Variants in CMIP observed in about 807,000 individuals in gnomAD.
CMIP encodes c-Maf inducing protein.
Under a neutral mutation model 97.3 loss-of-function variants are expected in CMIP, and 13 were observed. The observed-to-expected ratio is 0.13, with a 90% confidence interval of 0.09 to 0.21. The LOEUF (loss-of-function observed/expected upper bound fraction) is 0.21, where lower values mean the gene tolerates loss of function less well. Ranked by LOEUF, CMIP falls within the 10% of genes least tolerant of loss-of-function variation. The pLI, the probability that CMIP is intolerant of heterozygous loss-of-function variation, is 1.00. For synonymous variants in CMIP, 538 were observed against 436.3 expected (o/e 1.23, Z -2.91); for missense variants, 847 against 1,024.9 (o/e 0.83, Z 2.37).
intron 9 of CMIP, among the ~76,000 whole-genome samples, chr16:81,672,483 C>T (rs534463146): frequency 6.6e-6 from 1 of 152,254 alleles, no homozygotes; most frequent in Admixed American, 6.5e-5. Context: ...GAATATGTGC[C>T]CGTGTGTTGG....
chr16:81,663,525 A>G lies in CMIP; in HGVS notation c.745-744A>G, dbSNP rs2092570053. ...AGCACAGAGGATTTTTAGGGCGTGA[A>G]ACGACTTCCTATGATATTACATTGG... On this transcript the variant is annotated intron_variant, in intron 6 of 20. Transcript: ENST00000537098. Among the ~76,000 whole-genome samples, 3 of 152,130 alleles carry G rather than the reference A, an allele frequency of 2.0e-5. No individual in the cohort carries two copies. In the South Asian group the frequency reaches 6.2e-4, roughly 32 times the overall value.
chr16:81,632,881 C>T (rs1186737804), intron 3 of CMIP, among the ~76,000 whole-genome samples: 4 of 152,216 alleles, frequency 2.6e-5, no homozygotes, highest in African/African-American at 9.7e-5. Context: ...CCCCCACCCC[C>T]ACCTTCTGGG....
chr16:81,637,915 A>C (rs1189824580), intron 3 of CMIP, among the ~76,000 whole-genome samples: 1 of 152,084 alleles, frequency 6.6e-6, no homozygotes, highest in Non-Finnish European at 1.5e-5. Flanking sequence ...TGTGTCTCAC[A>C]TGGGAAGGGG....
chr16:81,659,019 G>T (rs59213495), intron 5 of CMIP, among the ~76,000 whole-genome samples: 1 of 152,216 alleles, frequency 6.6e-6, no homozygotes, highest in Non-Finnish European at 1.5e-5. Flanking sequence ...TGTCTGGCAC[G>T]TAGTGGGCTC....
At chr16:81,629,407 C>G (rs2092122962) in intron 3 of CMIP, among the ~76,000 whole-genome samples, 1 of 152,168 alleles carries the variant, frequency 6.6e-6, no homozygotes, top group Non-Finnish European at 1.5e-5. Flanking sequence ...GACTCCCTCA[C>G]TCTATACAGT....
intron 1 of CMIP, among the ~76,000 whole-genome samples, chr16:81,457,569 C>T (rs572552466): frequency 3.8e-4 from 58 of 152,330 alleles, no homozygotes; most frequent in African/African-American, 1.2e-3. Flanking sequence ...TGTAACAACC[C>T]GTGATACGTA....
At chr16:81,613,635 A>C (rs966690473) in intron 2 of CMIP, among the ~76,000 whole-genome samples, 3 of 152,264 alleles carry the variant, frequency 2.0e-5, no homozygotes, top group Non-Finnish European at 1.5e-5. Context: ...TAGGTGTTCA[A>C]GAAAACACTG....
At chr16:81,642,768 C>T (rs1160308795) in intron 3 of CMIP, among the ~76,000 whole-genome samples, 17 of 152,094 alleles carry the variant, frequency 1.1e-4, no homozygotes, top group East Asian at 1.9e-4. Flanking sequence ...TGGTGGCGGG[C>T]GCCTGTAGTC....
Position 81,616,153 on chromosome 16 carries a change from ATTTTTTT to A in CMIP, c.427-4710_427-4704del, listed in dbSNP as rs11331169. On this transcript the variant is annotated intron_variant, in intron 2 of 20. Coordinates refer to ENST00000537098, the MANE Select transcript of CMIP (RefSeq NM_198390.3). The surrounding 1 kb of genome is among the most constrained non-coding windows in gnomAD (Gnocchi z 4.7). Reference sequence around the variant, plus strand: ...ACATGTCATTAATTCATTCAGCTGTATTTTTTTTTTTTTTTTTTTAACACCAGGCTCA... The same window carrying A: ...ACATGTCATTAATTCATTCAGCTGTATTTTTTTTTTTTAACACCAGGCTCA... Among the ~76,000 whole-genome samples, 1 of 132,720 alleles carries A rather than the reference ATTTTTTT, an allele frequency of 7.5e-6. No individual in the cohort carries two copies. The highest frequency in any genetic ancestry group is 1.6e-5 in the Non-Finnish European group (1 of 61,400). 87.1% of individuals were successfully genotyped at this position (132,720 alleles called of 152,430 possible). A position where few individuals can be genotyped will look rare whatever the true frequency, so the allele number is the denominator to read the frequency against.
chr16:81,679,911 G>T (rs903352865), intron 10 of CMIP, among the ~76,000 whole-genome samples: 1 of 152,130 alleles, frequency 6.6e-6, no homozygotes, highest in Non-Finnish European at 1.5e-5. Context: ...TGGTTCCACA[G>T]ACCAGCTCAG....
At chr16:81,474,046 T>C (rs1388759968) in intron 1 of CMIP, among the ~76,000 whole-genome samples, 7 of 152,068 alleles carry the variant, frequency 4.6e-5, no homozygotes, top group Admixed American at 1.3e-4. Context: ...ATTCTACAGC[T>C]AAAGAAGCAG....
intron 14 of CMIP, chr16:81,697,924 C>G (rs1172507726): frequency 6.6e-6 from 1 of 152,568 alleles, no homozygotes; most frequent in Non-Finnish European, 1.5e-5. Context: ...CCACCTCTCT[C>G]GCGCTCTCGG....
At chr16:81,707,138 T>C in intron 20 of CMIP, 54 bp downstream of exon 20, 11 of 1,407,466 alleles carry the variant, frequency 7.8e-6, no homozygotes, top group South Asian at 2.3e-5. Context: ...AGCCAGCATC[T>C]GGATGCTGGT....
At chr16:81,540,920 T>A (rs1318979789) in intron 1 of CMIP, among the ~76,000 whole-genome samples, 2 of 151,152 alleles carry the variant, frequency 1.3e-5, no homozygotes, top group Non-Finnish European at 2.9e-5. Flanking sequence ...GACCTCATGA[T>A]CCACCCACGT....
intron 3 of CMIP, among the ~76,000 whole-genome samples, chr16:81,628,236 C>G (rs1289228378): frequency 6.6e-6 from 1 of 152,118 alleles, no homozygotes; most frequent in East Asian, 1.9e-4. Context: ...TGGGAGCCTC[C>G]CTGGGGAAGA....
At chr16:81,698,728 G>A (rs557188795) in intron 14 of CMIP, among the ~76,000 whole-genome samples, 30 of 152,194 alleles carry the variant, frequency 2.0e-4, no homozygotes, top group African/African-American at 7.0e-4. Context: ...CTTATCTTCC[G>A]AAACTGAAAC....
chr16:81,558,419 T>C (rs2090811381), intron 1 of CMIP, among the ~76,000 whole-genome samples: 1 of 152,220 alleles, frequency 6.6e-6, no homozygotes, highest in Non-Finnish European at 1.5e-5. Context: ...ATGATACAGC[T>C]CTTCTCCGGT....
intron 1 of CMIP, among the ~76,000 whole-genome samples, chr16:81,603,148 C>T (rs559678006): frequency 6.6e-6 from 1 of 152,166 alleles, no homozygotes; most frequent in African/African-American, 2.4e-5. Context: ...GGCGCGATCT[C>T]GGCTCACTGC....
chr16:81,642,982 G>A (rs1567629142), intron 3 of CMIP, among the ~76,000 whole-genome samples: 4 of 150,874 alleles, frequency 2.7e-5, no homozygotes, highest in Admixed American at 2.6e-4. Flanking sequence ...TGCCACAGCC[G>A]GATGAACCTT....
Sources: allele counts gnomAD v4.1 joint callset (sites outside exome capture counted in the v4.1 genomes callset), GRCh38; gene constraint gnomAD v4.1.1; non-coding constraint Gnocchi (gnomAD v3.1); transcripts MANE v1.5; gene names NCBI Gene and HGNC (gene_info 2026-07-23, HGNC 2026-07-21).